ANK3: variants seen among roughly 807,000 people sequenced by gnomAD.
The protein encoded by ANK3 is ankyrin-3.
In ANK3, 57 loss-of-function variants were observed where a neutral mutation model predicts 370.9. The observed-to-expected ratio is 0.15, with a 90% CI of 0.12 to 0.19. The LOEUF is 0.19. Ranked by LOEUF, ANK3 falls within the 10% of genes least tolerant of loss-of-function variation. The probability of loss-of-function intolerance (pLI) is 1.00; values close to 1 mark genes in which losing one functional copy is unlikely to be tolerated. For missense variants in ANK3, 4,439 were observed against 5,302.1 expected (o/e 0.84, Z 5.06); for synonymous variants, 1,929 against 1,946.3 (o/e 0.99, Z 0.23).
intron 1 of ANK3, among the ~76,000 whole-genome samples, chr10:60,320,917 ATCC>A (rs2048493691): frequency 6.6e-6 from 1 of 152,034 alleles, no homozygotes; most frequent in Non-Finnish European, 1.5e-5. Flanking sequence ...GGGTGACAAA[ATCC>A]TCCCAGCAAG....
chr10:60,348,119 G>T (rs1046731791), intron 1 of ANK3, among the ~76,000 whole-genome samples: 1 of 151,818 alleles, frequency 6.6e-6, no homozygotes, highest in African/African-American at 2.4e-5. Context: ...CAGCCTCATT[G>T]GCAATAGGAT....
chr10:60,161,778 A>AATACAGTT (rs1431691343), intron 23 of ANK3, among the ~76,000 whole-genome samples: 1 of 152,178 alleles, frequency 6.6e-6, no homozygotes, highest in East Asian at 1.9e-4. Context: ...TTGGCACAAA[A>AATACAGTT]ATACAGTTAG....
chr10:60,063,025 A>G, intron 40 of ANK3, 86 bp downstream of exon 40: 1 of 1,320,356 alleles, frequency 7.6e-7, no homozygotes, highest in Non-Finnish European at 1.0e-6. Context: ...ATCACAGTTT[A>G]GTTGCTTTTA....
intron 1 of ANK3, among the ~76,000 whole-genome samples, chr10:60,381,097 T>C (rs1045466265): frequency 6.6e-6 from 1 of 152,126 alleles, no homozygotes; most frequent in African/African-American, 2.4e-5. Flanking sequence ...ACTGCCTAGA[T>C]TGGGGGATAA....
chr10:60,357,611 A>T (rs2057964497), intron 1 of ANK3, among the ~76,000 whole-genome samples: 1 of 152,140 alleles, frequency 6.6e-6, no homozygotes, highest in East Asian at 1.9e-4. Context: ...GCATACTTCA[A>T]ATTTGTTACT....
At chr10:60,157,384 G>A (rs1296268146) in intron 23 of ANK3, among the ~76,000 whole-genome samples, 1 of 150,886 alleles carries the variant, frequency 6.6e-6, no homozygotes, top group Non-Finnish European at 1.5e-5. Flanking sequence ...GCCCAGGCTG[G>A]AGTGTAGTGG....
chr10:60,059,123 A>C (rs997951280), intron 41 of ANK3, among the ~76,000 whole-genome samples: 6 of 152,192 alleles, frequency 3.9e-5, no homozygotes, highest in African/African-American at 1.2e-4. Flanking sequence ...CATGTATGTA[A>C]ATTTTCTTGT....
chr10:60,308,577 G>C (rs1345715662), intron 1 of ANK3, among the ~76,000 whole-genome samples: 4 of 152,042 alleles, frequency 2.6e-5, no homozygotes, highest in Admixed American at 2.0e-4. Context: ...TGCCTGGCCG[G>C]AATCTGGTGT....
In ANK3 at chr10:60,126,246, G is replaced by A. The variant is rs142285540; in HGVS notation, c.2841+8025C>T. On this transcript the variant is annotated intron_variant, in intron 25 of 43. Coordinates refer to ENST00000280772, the MANE Select transcript of ANK3 (RefSeq NM_020987.5). Reference sequence around the variant, plus strand: ...TTCAAAAGAAAGAAATCTACTCAGAGAGAGAACAGGGCCAAACAGCTGTCC... The same window carrying A: ...TTCAAAAGAAAGAAATCTACTCAGAAAGAGAACAGGGCCAAACAGCTGTCC... Among the ~76,000 whole-genome samples, 5 of 152,316 alleles carry A rather than the reference G, an allele frequency of 3.3e-5. No homozygotes were observed. The East Asian group carries it at 9.6e-4, about 29-fold the overall frequency.
chr10:60,254,311 G>A (rs184302298), intron 7 of ANK3, among the ~76,000 whole-genome samples: 100 of 151,712 alleles, frequency 6.6e-4, no homozygotes, highest in African/African-American at 2.4e-3. Flanking sequence ...GTGGAGAGCC[G>A]TTAGTATTTT....
chr10:60,445,524 A>G (rs2064420316), intron 2 of ANK3, among the ~76,000 whole-genome samples: 1 of 151,606 alleles, frequency 6.6e-6, no homozygotes, highest in Admixed American at 6.6e-5. Flanking sequence ...GTCAATCTTT[A>G]GTTTGTCTGG....
Position 60,576,303 on chromosome 10 carries a change from T to C in ANK3, c.96+38883A>G, listed in dbSNP as rs146792213. On this transcript the variant is annotated intron_variant, in intron 2 of 43. Coordinates refer to the ANK3 transcript ENST00000373827. ...GATACAGATCTGAGACTGTTCTATT[T>C]TTAAATTAAATAACTCGCATAAGAG... Among the ~76,000 whole-genome samples, 53 of 152,296 alleles carry C rather than the reference T, an allele frequency of 3.5e-4. No homozygotes were observed. The East Asian group carries it at 0.01, about 29-fold the overall frequency.
chr10:60,605,613 C>G, intron 2 of ANK3, among the ~76,000 whole-genome samples: 1 of 152,096 alleles, frequency 6.6e-6, no homozygotes, highest in East Asian at 1.9e-4. Flanking sequence ...ACAAAGCTTG[C>G]TTGCTTCTTA....
intron 17 of ANK3, 136 bp downstream of exon 17, chr10:60,186,579 C>T (rs1402897362): frequency 2.0e-6 from 2 of 1,019,810 alleles, no homozygotes; most frequent in Admixed American, 2.0e-5. Context: ...TTAAGTAACA[C>T]TTTGGTAAAC....
rs369714799 is a variant in ANK3 at position 60,073,879 on chromosome 10, G to A, written c.7002C>T (p.Ile2334=). 1.8e-5 allele frequency: 29 copies of A among 1,613,484 alleles called. No homozygotes were observed. Among genetic ancestry groups the A allele is most frequent in the East Asian group, 2.2e-5 (1 of 44,852 alleles). Residue 2334 remains isoleucine (I), a synonymous_variant, in exon 37 of 44, where the codon ATC becomes ATT. Transcript: ENST00000280772. ...TGGGCTCAGCTTGGTTACCTTTTTCGATGTGGACTTCTATTATACGCTCCA... is the reference window on the plus strand; with the variant it reads ...TGGGCTCAGCTTGGTTACCTTTTTCAATGTGGACTTCTATTATACGCTCCA... The part of the protein sequence containing the change: ...PKLERIIEVH[I]EKGNQAEPTE...
At chr10:60,670,498 A>G (rs570694073) in intron 1 of ANK3, among the ~76,000 whole-genome samples, 3 of 152,116 alleles carry the variant, frequency 2.0e-5, no homozygotes, top group Admixed American at 6.5e-5. Context: ...GCCTAGGCTC[A>G]TTATCTAACT....
chr10:60,276,222 G>A (rs111580086), intron 4 of ANK3, among the ~76,000 whole-genome samples: 12 of 152,072 alleles, frequency 7.9e-5, no homozygotes, highest in African/African-American at 2.4e-4. Context: ...GAAGAGTAAG[G>A]GGCTCTTTTT....
At chr10:60,348,217 G>A (rs897513891) in intron 1 of ANK3, among the ~76,000 whole-genome samples, 1 of 151,944 alleles carries the variant, frequency 6.6e-6, no homozygotes, top group Non-Finnish European at 1.5e-5. Flanking sequence ...TCATATTTGA[G>A]TCTTACATCT....
chr10:60,238,051 C>G (rs2097361737), intron 7 of ANK3, among the ~76,000 whole-genome samples: 1 of 152,158 alleles, frequency 6.6e-6, no homozygotes, highest in Admixed American at 6.5e-5. Flanking sequence ...AATGCAGCTT[C>G]CAATAAAATG....
Sources: gnomAD v4.1 joint callset for allele counts (sites outside exome capture counted in the v4.1 genomes callset) on GRCh38, gnomAD v4.1.1 for gene constraint, MANE v1.5 for transcripts, NCBI Gene and HGNC (gene_info 2026-07-23, HGNC 2026-07-21) for gene names.